FBH1: variants seen among roughly 807,000 people sequenced by gnomAD.
FBH1 encodes the protein F-box DNA helicase 1.
A neutral mutation model predicts 115.5 loss-of-function variants in FBH1; 43 were observed. The ratio of observed to expected loss-of-function variants is 0.37; its 90% CI spans 0.29 to 0.48. The LOEUF (loss-of-function observed/expected upper bound fraction) is 0.48, where lower values mean the gene tolerates loss of function less well. FBH1 is among the 20% of genes least tolerant of loss of function. The probability of loss-of-function intolerance (pLI) is 0.99; values close to 1 mark genes in which losing one functional copy is unlikely to be tolerated. For synonymous variants in FBH1, 524 were observed against 507.8 expected (o/e 1.03, Z -0.43); for missense variants, 1,001 against 1,337.3 (o/e 0.75, Z 3.92).
chr10:5,924,222 C>T lies in FBH1; in HGVS notation c.2399-89C>T. The T allele has an allele frequency of 7.5e-7, 1 of 1,328,056 alleles. No homozygotes were observed. The highest frequency in any genetic ancestry group is 1.2e-5 in the South Asian group (1 of 80,438). 82.3% of individuals were successfully genotyped at this position (1,328,056 alleles called of 1,614,324 possible). A position where few individuals can be genotyped will look rare whatever the true frequency, so the allele number is the denominator to read the frequency against. On this transcript the variant is annotated intron_variant, in intron 16 of 20. Transcript: ENST00000362091. This position sits in a 1 kb window ranked among gnomAD's most constrained non-coding sequence, Gnocchi z 6.2. ...TCTCCCCACTTTAAGACCATCTGCT[C>T]TTGCGCAGCTGCTTAGGAACGTGCA... is the stretch of plus-strand genomic sequence containing the variant.
chr10:5,911,911 G>A lies in FBH1; in HGVS notation c.1211+783G>A, dbSNP rs139817283. Among the ~76,000 whole-genome samples, 1,902 of 152,236 alleles carry A rather than the reference G, an allele frequency of 0.012. 16 individuals are homozygous for A. Among genetic ancestry groups the A allele is most frequent in the Non-Finnish European group, 0.021 (1,436 of 68,022 alleles). ...CCGTTTCACAACTGTGGGGAGAGCA[G>A]TTCAGAGAAGGTATAGATGCCTTAA... On this transcript the variant is annotated intron_variant, in intron 6 of 20. Transcript: ENST00000362091. The surrounding 1 kb of genome is among the most constrained non-coding windows in gnomAD (Gnocchi z 5.4).
At position 5,925,216 on chromosome 10, in the gene FBH1, C is replaced by G. The variant is rs1832572351; in HGVS notation, c.2597-151C>G. 1.1e-6 allele frequency: 1 copy of G among 907,298 alleles called. No individual in the cohort carries two copies. The highest frequency in any genetic ancestry group is 2.9e-5 in the Admixed American group (1 of 34,776). The allele number at this position is 907,298 out of a possible 1,614,324, so 56.2% of individuals were successfully genotyped here. A position where few individuals can be genotyped will look rare whatever the true frequency, so the allele number is the denominator to read the frequency against. ...GTTCCCGACAGTTGTCTGTTCCCGA[C>G]AGTTGTTTCCTCTTTCCCCCTTTTC... On this transcript the variant is annotated intron_variant, in intron 17 of 20. Transcript: ENST00000362091. The surrounding 1 kb of genome is among the most constrained non-coding windows in gnomAD (Gnocchi z 4.6).
chr10:5,909,030 G>C lies in FBH1; in HGVS notation c.859G>C (p.Asp287His). The C allele has an allele frequency of 6.2e-7, 1 of 1,614,208 alleles. No individual in the cohort carries two copies. Among genetic ancestry groups the C allele is most frequent in the Non-Finnish European group, 8.5e-7 (1 of 1,180,036 alleles). ...LSNCGIEKES[D>H]LCVLNLIRYT... is the part of the protein sequence containing the mutation. Reference sequence around the variant, plus strand: ...TAACTGTGGCATAGAAAAGGAGTCAGACCTGTGTGTGCTGAACCTCATACG... The same window carrying C: ...TAACTGTGGCATAGAAAAGGAGTCACACCTGTGTGTGCTGAACCTCATACG... Residue 287 changes from aspartate (D) to histidine (H), a missense_variant, in exon 4 of 21, where the codon GAC becomes CAC. Around this residue, in one of 4 missense-constraint regions of FBH1, gnomAD observed 420 missense variants for 430.4 expected, o/e 0.98. Transcript: ENST00000362091. This position sits in a 1 kb window ranked among gnomAD's most constrained non-coding sequence, Gnocchi z 4.4.
At chr10:5,927,612 C>A in intron 19 of FBH1, 71 bp downstream of exon 19, 1 of 1,259,774 alleles carries the variant, frequency 7.9e-7, no homozygotes, top group Non-Finnish European at 1.1e-6. Context: ...AGGGGCTGAC[C>A]TGGAGCCTTC....
In FBH1 at chr10:5,913,897, T is replaced by A; in HGVS notation, c.1304+58T>A. On this transcript the variant is annotated intron_variant, in intron 7 of 20. Transcript: ENST00000362091. The surrounding 1 kb of genome is among the most constrained non-coding windows in gnomAD (Gnocchi z 4.4). The stretch of plus-strand genomic sequence containing the variant: ...TCTTCTGTCGACTCTTCCTCATACT[T>A]AAGGAGGGAGATGTTTTGCTTCACT... The A allele has an allele frequency of 7.7e-7, 1 of 1,298,872 alleles. No homozygotes were observed. Among genetic ancestry groups the A allele is most frequent in the Non-Finnish European group, 1.1e-6 (1 of 915,240 alleles). The allele number at this position is 1,298,872 out of a possible 1,614,324, so 80.5% of individuals were successfully genotyped here. A position where few individuals can be genotyped will look rare whatever the true frequency, so the allele number is the denominator to read the frequency against.
At position 5,924,011 on chromosome 10, in the gene FBH1, C is replaced by T. The variant is rs527873639; in HGVS notation, c.2399-300C>T. 2.0e-5 allele frequency: 11 copies of T among 559,462 alleles called. No individual in the cohort carries two copies. Among genetic ancestry groups the T allele is most frequent in the African/African-American group, 9.4e-5 (5 of 53,388 alleles). The allele number at this position is 559,462 out of a possible 1,614,324, so 34.7% of individuals were successfully genotyped here. On this transcript the variant is annotated intron_variant, in intron 16 of 20. Coordinates refer to ENST00000362091, the MANE Select transcript of FBH1 (RefSeq NM_178150.3). The surrounding 1 kb of genome is among the most constrained non-coding windows in gnomAD (Gnocchi z 6.2). Reference sequence around the variant, plus strand: ...CTTCCACGTGGGCCCCAAGTGATAGCGTCGAGCATTTCTATAGCGCTTTTC... The same window carrying T: ...CTTCCACGTGGGCCCCAAGTGATAGTGTCGAGCATTTCTATAGCGCTTTTC...
In FBH1 at chr10:5,937,175, C is replaced by T. The variant is rs1161301746; in HGVS notation, c.3027C>T (p.Pro1009=). 4 of 1,614,082 alleles carry T rather than the reference C, an allele frequency of 2.5e-6. No homozygotes were observed. In the Middle Eastern group the frequency reaches 5.0e-4, roughly 200 times the overall value. The change falls in exon 21 of 21, where the codon CCC becomes CCT. Residue 1009 remains proline, a synonymous_variant. Transcript: ENST00000362091. ...CHSCAEQRIG[P]LAFLTASPEQ... ...CCTGTGCGGAGCAGCGCATCGGGCC[C>T]CTGGCGTTCCTGACAGCCTCCCCGG...
rs548331626 is a variant in FBH1 at position 5,914,974 on chromosome 10, C to T, written c.1397-429C>T. 3.0e-4 allele frequency among the ~76,000 whole-genome samples: 46 copies of T among 152,070 alleles called. No homozygotes were observed. The highest frequency in any genetic ancestry group is 5.6e-4 in the Non-Finnish European group (38 of 68,006). ...AAACTGAAGCACAGAGAGCCTTGCC[C>T]GGGGTTGAATAAGTGGATAGGTGGT... is the stretch of plus-strand genomic sequence containing the variant. On this transcript the variant is annotated intron_variant, in intron 8 of 20. Transcript: ENST00000362091. This position sits in a 1 kb window ranked among gnomAD's most constrained non-coding sequence, Gnocchi z 5.2.
chr10:5,910,896 G>A lies in FBH1; in HGVS notation c.1021-42G>A. ...CCTGCTGTGATTCGTATTAACCATG[G>A]CCTGTGGGCTGTCCCTCCCTCCCTG... On this transcript the variant is annotated intron_variant, in intron 5 of 20. Coordinates refer to ENST00000362091, the MANE Select transcript of FBH1 (RefSeq NM_178150.3). This position sits in a 1 kb window ranked among gnomAD's most constrained non-coding sequence, Gnocchi z 4.8. 6.4e-7 allele frequency: 1 copy of A among 1,559,034 alleles called. No homozygotes were observed. The highest frequency in any genetic ancestry group is 8.7e-7 in the Non-Finnish European group (1 of 1,149,932).
At position 5,933,645 on chromosome 10, in the gene FBH1, T is replaced by C. The variant is rs1253751032; in HGVS notation, c.2830-2811T>C. ...TTAGAAGTGGAGGCACTCTGCTGTT[T>C]TTTTTTTTTTTTTAAAAAACAGAGT... is the stretch of plus-strand genomic sequence containing the variant. On this transcript the variant is annotated intron_variant, in intron 19 of 20. Transcript: ENST00000362091. This position sits in a 1 kb window ranked among gnomAD's most constrained non-coding sequence, Gnocchi z 4.9. Among the ~76,000 whole-genome samples the C allele has an allele frequency of 7.8e-6, 1 of 128,952 alleles. No individual in the cohort carries two copies. Among genetic ancestry groups the C allele is most frequent in the Non-Finnish European group, 1.5e-5 (1 of 67,610 alleles). 84.6% of individuals were successfully genotyped at this position (128,952 alleles called of 152,430 possible). A position where few individuals can be genotyped will look rare whatever the true frequency, so the allele number is the denominator to read the frequency against.
chr10:5,915,377 A>ACCT lies in FBH1; in HGVS notation c.1397-22_1397-20dup. On this transcript the variant is annotated intron_variant, in intron 8 of 20. Coordinates refer to ENST00000362091, the MANE Select transcript of FBH1 (RefSeq NM_178150.3). This position sits in a 1 kb window ranked among gnomAD's most constrained non-coding sequence, Gnocchi z 5.2. Reference sequence around the variant, plus strand: ...GCATGTCTTGTCTGGTCAGAGGGTCACCTCCTTTCCTCCTGGCTTCCCCAG... The same window carrying ACCT: ...GCATGTCTTGTCTGGTCAGAGGGTCACCTCCTCCTTTCCTCCTGGCTTCCCCAG... 1 of 1,612,726 alleles carries ACCT rather than the reference A, an allele frequency of 6.2e-7. No individual in the cohort carries two copies.
Position 5,913,068 on chromosome 10 carries a change from C to T in FBH1, c.1212-679C>T, listed in dbSNP as rs995197381. The stretch of plus-strand genomic sequence containing the variant: ...GTCCAAGCTCACCCCCGGTCTCCCC[C>T]ACAGTCCAGGGGAGACTTGGAGAGG... On this transcript the variant is annotated intron_variant, in intron 6 of 20. Coordinates refer to ENST00000362091, the MANE Select transcript of FBH1 (RefSeq NM_178150.3). This position sits in a 1 kb window ranked among gnomAD's most constrained non-coding sequence, Gnocchi z 4.4. Among the ~76,000 whole-genome samples, 6 of 152,128 alleles carry T rather than the reference C, an allele frequency of 3.9e-5. No individual in the cohort carries two copies. The highest frequency in any genetic ancestry group is 5.9e-5 in the Non-Finnish European group (4 of 68,016).
At position 5,936,293 on chromosome 10, in the gene FBH1, G is replaced by A. The variant is rs114513188; in HGVS notation, c.2830-163G>A. On this transcript the variant is annotated intron_variant, in intron 19 of 20. Transcript: ENST00000362091. This position sits in a 1 kb window ranked among gnomAD's most constrained non-coding sequence, Gnocchi z 5.6. ...GGACTGTCGATAGCTTTGGAGGCAG[G>A]GAAAAGTTAGAGGAAGTAAGGGAGA... The A allele has an allele frequency of 4.9e-3, 3,119 of 642,754 alleles. 67 individuals carry two copies. In the African/African-American group the frequency reaches 0.052, roughly 11 times the overall value. The allele number at this position is 642,754 out of a possible 1,614,324, so 39.8% of individuals were successfully genotyped here. A position where few individuals can be genotyped will look rare whatever the true frequency, so the allele number is the denominator to read the frequency against.
In FBH1 at chr10:5,909,143, T is replaced by C. The variant is rs1360298138; in HGVS notation, c.885-16T>C. 3 of 1,613,458 alleles carry C rather than the reference T, an allele frequency of 1.9e-6. No individual in the cohort carries two copies. Among genetic ancestry groups the C allele is most frequent in the Non-Finnish European group, 2.5e-6 (3 of 1,179,900 alleles). On this transcript the variant is annotated splice_polypyrimidine_tract_variant and intron_variant, in intron 4 of 20. Transcript: ENST00000362091. The surrounding 1 kb of genome is among the most constrained non-coding windows in gnomAD (Gnocchi z 4.4). ...TGGTCACCCTACTCATGGCCTCTCC[T>C]GTGAATGTCTTACAGATACACAGCC...
Position 5,911,093 on chromosome 10 carries a change from C to G in FBH1, c.1176C>G (p.Tyr392Ter). 6.2e-7 allele frequency: 1 copy of G among 1,613,170 alleles called. No individual in the cohort carries two copies. Among genetic ancestry groups the G allele is most frequent in the Non-Finnish European group, 8.5e-7 (1 of 1,179,828 alleles). The part of the protein sequence containing the change: ...ETLYCIAVLL[Y>*]AMREKGINIS... ...TGTACTGCATAGCCGTGCTTCTCTA[C>G]GCCATGAGGGAGAAGGGGATTAACA... Residue 392 changes from tyrosine (Y) to a stop codon, truncating the protein, a stop_gained, in exon 6 of 21, where the codon TAC (tyrosine) becomes TAG (stop). Transcript: ENST00000362091. LOFTEE classifies it high-confidence loss of function. This position sits in a 1 kb window ranked among gnomAD's most constrained non-coding sequence, Gnocchi z 5.4.
chr10:5,893,317 A>AAAAC (rs999142766), intron 1 of FBH1, among the ~76,000 whole-genome samples: 2 of 152,198 alleles, frequency 1.3e-5, no homozygotes, highest in Non-Finnish European at 2.9e-5. Flanking sequence ...CTGAAAACAA[A>AAAAC]AAACAAACAA....
intron 10 of FBH1, among the ~76,000 whole-genome samples, chr10:5,916,736 CAG>C (rs1238151488): frequency 6.6e-6 from 1 of 151,796 alleles, no homozygotes; most frequent in African/African-American, 2.4e-5. Context: ...GATGGGCAAA[CAG>C]GGAGTGTGGG....
chr10:5,903,669 A>C (rs948653948), intron 2 of FBH1, among the ~76,000 whole-genome samples: 13 of 151,872 alleles, frequency 8.6e-5, no homozygotes, highest in Non-Finnish European at 1.9e-4. Flanking sequence ...CATAGTTTGT[A>C]AAAGCTGTGG....
Position 5,890,265 on chromosome 10 carries a change from G to A in FBH1, c.-81G>A. 2.7e-6 allele frequency: 1 copy of A among 368,174 alleles called. No individual in the cohort carries two copies. The highest frequency in any genetic ancestry group is 5.1e-6 in the Non-Finnish European group (1 of 196,876). The allele number at this position is 368,174 out of a possible 1,614,324, so 22.8% of individuals were successfully genotyped here. Reference sequence around the variant, plus strand: ...CAGGTCCCGGCCAGAGGAGGAGCTCGCTGCCGGGGGACGCTGGGCTGAGCG... The same window carrying A: ...CAGGTCCCGGCCAGAGGAGGAGCTCACTGCCGGGGGACGCTGGGCTGAGCG... On this transcript the variant is annotated 5_prime_UTR_variant, in exon 1 of 21. Coordinates refer to ENST00000362091, the MANE Select transcript of FBH1 (RefSeq NM_178150.3).
Sources: gnomAD v4.1 joint callset for allele counts (sites outside exome capture counted in the v4.1 genomes callset) on GRCh38, gnomAD v4.1.1 for gene constraint, gnomAD v4.1.1 regional missense constraint, Gnocchi (gnomAD v3.1) non-coding constraint, MANE v1.5 for transcripts, NCBI Gene and HGNC (gene_info 2026-07-23, HGNC 2026-07-21) for gene names.